Variants in TMIGD3 observed in about 807,000 individuals in gnomAD.
TMIGD3 encodes the protein AD026 protein (AD026).
In TMIGD3, 21 loss-of-function variants were observed where a neutral mutation model predicts 28.1. The observed-to-expected ratio is 0.75, with a 90% CI of 0.53 to 1.08. The LOEUF is 1.08. Among genes scored for constraint, TMIGD3 ranks in the 50% least tolerant of loss-of-function variants. The probability of loss-of-function intolerance (pLI) is 0.00; values close to 1 mark genes in which losing one functional copy is unlikely to be tolerated. For synonymous variants in TMIGD3, 151 were observed against 162.1 expected (o/e 0.93, Z 0.52); for missense variants, 416 against 435.6 (o/e 0.96, Z 0.40).
At chr1:111,544,335 A>G (rs762896311) in intron 1 of TMIGD3, among the ~76,000 whole-genome samples, 4 of 152,112 alleles carry the variant, frequency 2.6e-5, no homozygotes, top group South Asian at 2.1e-4. Context: ...CTACTATCCA[A>G]TTCCAGAGTA....
At chr1:111,514,578 GTC>G (rs2100997418) in intron 1 of TMIGD3, among the ~76,000 whole-genome samples, 1 of 151,600 alleles carries the variant, frequency 6.6e-6, no homozygotes, top group South Asian at 2.1e-4. Flanking sequence ...CAGCAGCAAA[GTC>G]TGAACCATAC....
chr1:111,505,612 G>A (rs1272192692), upstream of TMIGD3, among the ~76,000 whole-genome samples: 5 of 152,214 alleles, frequency 3.3e-5, no homozygotes, highest in Admixed American at 2.6e-4. Flanking sequence ...GGCAATCTGG[G>A]AAAGAGGACA....
At chr1:111,529,856 C>T (rs1656392125) in intron 1 of TMIGD3, among the ~76,000 whole-genome samples, 1 of 152,180 alleles carries the variant, frequency 6.6e-6, no homozygotes, top group African/African-American at 2.4e-5. Context: ...CCATTGTCAT[C>T]ATGGCCCGTT....
chr1:111,513,813 C>T (rs1655770594), intron 1 of TMIGD3, among the ~76,000 whole-genome samples: 1 of 152,168 alleles, frequency 6.6e-6, no homozygotes, highest in Non-Finnish European at 1.5e-5. Flanking sequence ...CATTTCCTGC[C>T]AATAATGCTA....
intron 2 of TMIGD3, among the ~76,000 whole-genome samples, chr1:111,489,295 T>C (rs1426435143): frequency 6.6e-6 from 1 of 152,118 alleles, no homozygotes; most frequent in Admixed American, 6.5e-5. Flanking sequence ...GTCATTGGGG[T>C]AGTCCTTAAT....
At position 111,527,156 on chromosome 1, in the gene TMIGD3, G is replaced by A. The variant is rs186935623; in HGVS notation, c.108-36394C>T. ...CTTCCAAGTAGCTGGGACTACAGGT[G>A]CATGCCACCACACCCAGATAATTTT... On this transcript the variant is annotated intron_variant, in intron 1 of 5. Coordinates refer to the TMIGD3 transcript ENST00000369717. Among the ~76,000 whole-genome samples, 3 of 151,862 alleles carry A rather than the reference G, an allele frequency of 2.0e-5. No individual in the cohort carries two copies. The East Asian group carries it at 5.8e-4, about 29-fold the overall frequency.
chr1:111,557,600 T>C (rs1371203993), intron 1 of TMIGD3, among the ~76,000 whole-genome samples: 1 of 151,528 alleles, frequency 6.6e-6, no homozygotes, highest in African/African-American at 2.4e-5. Context: ...TTTTGGATAA[T>C]TAAAAATTGG....
intron 1 of TMIGD3, among the ~76,000 whole-genome samples, chr1:111,540,485 C>A (rs1046402971): frequency 6.6e-6 from 1 of 152,192 alleles, no homozygotes; most frequent in Non-Finnish European, 1.5e-5. Flanking sequence ...CCTGTAGACA[C>A]CCACATCATC....
In TMIGD3 at chr1:111,503,277, G is replaced by A. The variant is rs746936707; in HGVS notation, c.78C>T (p.Ala26=). Residue 26 remains alanine, a synonymous_variant, in exon 1 of 6, where the codon GCC becomes GCT. Coordinates refer to ENST00000369716, the MANE Select transcript of TMIGD3 (RefSeq NM_020683.7). ...ITMEIFIGLC[A]IVGNVLVICV... is the part of the protein sequence containing the mutation. ...AGATGACCAGCACGTTGCCCACTATGGCGCAGAGTCCAATGAAAATTTCCA... is the reference window on the plus strand; with the variant it reads ...AGATGACCAGCACGTTGCCCACTATAGCGCAGAGTCCAATGAAAATTTCCA... 1 of 1,614,212 alleles carries A rather than the reference G, an allele frequency of 6.2e-7. No individual in the cohort carries two copies. The highest frequency in any genetic ancestry group is 1.7e-5 in the Admixed American group (1 of 60,020).
At chr1:111,492,575 G>T (rs1654715690) in intron 1 of TMIGD3, among the ~76,000 whole-genome samples, 1 of 152,086 alleles carries the variant, frequency 6.6e-6, no homozygotes, top group Admixed American at 6.5e-5. Flanking sequence ...CAGCACTTTG[G>T]GAGGCTGAGG....
chr1:111,553,478 A>G (rs1657354967), intron 1 of TMIGD3, among the ~76,000 whole-genome samples: 1 of 152,094 alleles, frequency 6.6e-6, no homozygotes. Context: ...ACGCAACAGG[A>G]TAACTTTTTA....
At chr1:111,499,966 T>G in intron 1 of TMIGD3, 3 of 1,614,038 alleles carry the variant, frequency 1.9e-6, no homozygotes, top group Non-Finnish European at 2.5e-6. Context: ...AGAATTCTTC[T>G]CAATGCTTGT....
chr1:111,552,161 A>G (rs1181796474), intron 1 of TMIGD3, among the ~76,000 whole-genome samples: 1 of 152,242 alleles, frequency 6.6e-6, no homozygotes, highest in Non-Finnish European at 1.5e-5. Flanking sequence ...CAAGCTCTGA[A>G]ACAAGATAAA....
chr1:111,536,701 T>C (rs549832497), intron 1 of TMIGD3, among the ~76,000 whole-genome samples: 2 of 152,318 alleles, frequency 1.3e-5, no homozygotes, highest in Admixed American at 1.3e-4. Flanking sequence ...TCACCCCTTT[T>C]TTTGATACTT....
At chr1:111,556,715 TGG>T (rs1004643513) in intron 1 of TMIGD3, among the ~76,000 whole-genome samples, 17 of 152,020 alleles carry the variant, frequency 1.1e-4, no homozygotes, top group African/African-American at 4.1e-4. Flanking sequence ...GAAAGTATAA[TGG>T]GTTGCCAGGG....
At chr1:111,544,422 A>G (rs1054498861) in intron 1 of TMIGD3, among the ~76,000 whole-genome samples, 8 of 152,030 alleles carry the variant, frequency 5.3e-5, no homozygotes, top group Non-Finnish European at 1.2e-4. Context: ...GGATTTGACT[A>G]TTTTGGACAT....
At chr1:111,500,222 C>T in intron 1 of TMIGD3, 3 of 1,614,104 alleles carry the variant, frequency 1.9e-6, no homozygotes. Flanking sequence ...AAGGACTTAG[C>T]CGTCTTGAAC....
chr1:111,512,367 C>T (rs2786992), intron 1 of TMIGD3, among the ~76,000 whole-genome samples: 149,194 of 152,382 alleles, frequency 0.98, 73,122 homozygotes, highest in East Asian at 1. Flanking sequence ...CCACTCCACT[C>T]ACCCCAACGT....
chr1:111,538,947 C>T (rs896442698), intron 1 of TMIGD3, among the ~76,000 whole-genome samples: 1 of 152,150 alleles, frequency 6.6e-6, no homozygotes, highest in East Asian at 1.9e-4. Flanking sequence ...TGCAAGCATT[C>T]GTATATTCTA....
Sources: allele counts gnomAD v4.1 joint callset (sites outside exome capture counted in the v4.1 genomes callset), GRCh38; gene constraint gnomAD v4.1.1; transcripts MANE v1.5; gene names NCBI Gene and HGNC (gene_info 2026-07-23, HGNC 2026-07-21).